Variants in TACC1 observed in about 807,000 individuals in gnomAD.
TACC1 encodes the protein transforming acidic coiled-coil containing protein 1, also known as transforming acidic coiled-coil-containing protein 1.
Under a neutral mutation model 84.4 loss-of-function variants are expected in TACC1, and 48 were observed. The ratio of observed to expected loss-of-function variants is 0.57; its 90% CI spans 0.45 to 0.72. The LOEUF (loss-of-function observed/expected upper bound fraction) is 0.72, where lower values mean the gene tolerates loss of function less well. Among genes scored for constraint, TACC1 ranks in the 30% least tolerant of loss-of-function variants. The pLI, the probability that TACC1 is intolerant of heterozygous loss-of-function variation, is 0.00. For missense variants in TACC1, 920 were observed against 973.0 expected (o/e 0.95, Z 0.72); for synonymous variants, 372 against 376.3 (o/e 0.99, Z 0.13).
chr8:38,801,094 A>C (rs919640842), intron 2 of TACC1, among the ~76,000 whole-genome samples: 9 of 152,140 alleles, frequency 5.9e-5, no homozygotes, highest in African/African-American at 1.9e-4. Context: ...CTTTTTAATT[A>C]GGTTATTTAT....
chr8:38,770,735 G>A (rs979437849), intron 3 of TACC1, among the ~76,000 whole-genome samples: 2 of 152,090 alleles, frequency 1.3e-5, no homozygotes, highest in African/African-American at 2.4e-5. Context: ...AAAAAAGCCA[G>A]CTTCTTTCTT....
chr8:38,783,418 G>A (rs1270751785), upstream of TACC1, among the ~76,000 whole-genome samples: 1 of 151,188 alleles, frequency 6.6e-6, no homozygotes, highest in Admixed American at 6.6e-5. Flanking sequence ...CTCTGAAAGA[G>A]TATTTTCTTT....
At position 38,842,312 on chromosome 8, in the gene TACC1, C is replaced by T. The variant is rs1427907090; in HGVS notation, c.1986C>T (p.Thr662=). The T allele has an allele frequency of 1.2e-6, 2 of 1,613,422 alleles. No individual in the cohort carries two copies. Among genetic ancestry groups the T allele is most frequent in the Non-Finnish European group, 1.7e-6 (2 of 1,179,802 alleles). The change falls in exon 10 of 13, where the codon ACC becomes ACT. Residue 662 remains threonine, a synonymous_variant. Coordinates refer to ENST00000317827, the MANE Select transcript of TACC1 (RefSeq NM_006283.3). ...AAGATGAACAAAGGACAAGTATGAC[C>T]TCTCAGAAGAGCTTCCAGCAACTGA... ...MIEDEQRTSM[T]SQKSFQQLTM...
intron 1 of TACC1, among the ~76,000 whole-genome samples, chr8:38,736,011 G>A (rs113090376): frequency 0.025 from 3,781 of 152,176 alleles, 138 homozygotes; most frequent in African/African-American, 0.086. Context: ...TCTACCGGCC[G>A]GTACTCCCTC....
At chr8:38,773,561 TCTATCTATCTAGCTAGCTATCTATCTAG>T (rs1563381144) in intron 3 of TACC1, among the ~76,000 whole-genome samples, 1 of 150,698 alleles carries the variant, frequency 6.6e-6, no homozygotes, top group Non-Finnish European at 1.5e-5. Context: ...TGTAAAAGTA[TCTATCTATCTAGCTAGCTATCTATCTAG>T]CTATCTATCT....
In TACC1 at chr8:38,849,991, G is replaced by A. The variant is rs1008271492; in HGVS notation, c.*1968G>A. 1.3e-5 allele frequency: 2 copies of A among 152,580 alleles called. No homozygotes were observed. The highest frequency in any genetic ancestry group is 4.8e-5 in the African/African-American group (2 of 41,420). The allele number at this position is 152,580 out of a possible 1,614,324, so 9.5% of individuals were successfully genotyped here. ...CTAAATCTTTTTGCTGCTGTGTTTT[G>A]GTGTTTTCATGTTTACTTGTTTTAT... On this transcript the variant is annotated 3_prime_UTR_variant, in exon 13 of 13. Transcript: ENST00000317827.
At chr8:38,800,308 T>C (rs1394639783) in intron 2 of TACC1, among the ~76,000 whole-genome samples, 1 of 152,240 alleles carries the variant, frequency 6.6e-6, no homozygotes, top group Non-Finnish European at 1.5e-5. Flanking sequence ...TTTATGATAG[T>C]TTTTAATTTA....
intron 3 of TACC1, among the ~76,000 whole-genome samples, chr8:38,769,563 G>C (rs116102029): frequency 6.8e-6 from 1 of 146,806 alleles, no homozygotes; most frequent in African/African-American, 2.6e-5. Context: ...TGGGAGTGTG[G>C]TGTGTGTATG....
intron 2 of TACC1, among the ~76,000 whole-genome samples, chr8:38,803,039 A>G (rs1821782892): frequency 6.6e-6 from 1 of 152,146 alleles, no homozygotes; most frequent in South Asian, 2.1e-4. Context: ...TTATTTTTTG[A>G]TACTGTTATA....
chr8:38,796,941 G>A (rs1283735344), intron 2 of TACC1, among the ~76,000 whole-genome samples: 1 of 152,248 alleles, frequency 6.6e-6, no homozygotes, highest in Non-Finnish European at 1.5e-5. Flanking sequence ...GCTGGGTGGT[G>A]TGGCTCAGGT....
At chr8:38,765,073 T>C (rs1811976306) in intron 3 of TACC1, among the ~76,000 whole-genome samples, 1 of 151,678 alleles carries the variant, frequency 6.6e-6, no homozygotes, top group Admixed American at 6.6e-5. Context: ...CACTCTAGCC[T>C]GGTTGACAAA....
intron 1 of TACC1, among the ~76,000 whole-genome samples, chr8:38,736,413 A>G (rs909161992): frequency 5.9e-5 from 9 of 152,138 alleles, no homozygotes; most frequent in Non-Finnish European, 1.3e-4. Context: ...CCAGGAGTTC[A>G]AGATTAGCCT....
At chr8:38,776,706 C>T (rs1378172373) in intron 3 of TACC1, among the ~76,000 whole-genome samples, 1 of 152,078 alleles carries the variant, frequency 6.6e-6, no homozygotes, top group Non-Finnish European at 1.5e-5. Flanking sequence ...ACAAGCAAAA[C>T]GTTTTGGATT....
chr8:38,822,351 A>G (rs1313812825), intron 3 of TACC1, among the ~76,000 whole-genome samples: 1 of 152,032 alleles, frequency 6.6e-6, no homozygotes, highest in East Asian at 1.9e-4. Context: ...AAAATATAGT[A>G]TAAAAGATAA....
At chr8:38,747,079 A>G (rs906547732) in intron 3 of TACC1, among the ~76,000 whole-genome samples, 6 of 152,216 alleles carry the variant, frequency 3.9e-5, no homozygotes, top group African/African-American at 1.4e-4. Flanking sequence ...GAAGATACAC[A>G]GATGCCAAAA....
upstream of TACC1, among the ~76,000 whole-genome samples, chr8:38,782,515 T>C (rs1440157548): frequency 6.6e-6 from 1 of 152,260 alleles, no homozygotes; most frequent in Non-Finnish European, 1.5e-5. Flanking sequence ...GCATGATTTA[T>C]AGTCCTTTAG....
intron 6 of TACC1, 133 bp from the exon 7 acceptor site, chr8:38,836,027 GCT>G (rs1830153154): frequency 8.4e-7 from 1 of 1,193,102 alleles, no homozygotes; most frequent in Non-Finnish European, 1.1e-6. Context: ...TTTTTAAAAA[GCT>G]TCCCCCCGCT....
In TACC1 at chr8:38,831,176, T is replaced by C; in HGVS notation, c.1712T>C (p.Leu571Pro). The change falls in exon 6 of 13, where the codon CTT becomes CCT. Residue 571 changes from leucine (L) to proline (P), a missense_variant and splice_region_variant. Leu to Pro is a moderately conservative substitution (Grantham distance 98). Coordinates refer to ENST00000317827, the MANE Select transcript of TACC1 (RefSeq NM_006283.3). ...QKMEEDGSTVLGLLESSAEKA... is the reference protein window; with the variant it reads ...QKMEEDGSTVPGLLESSAEKA... The stretch of plus-strand genomic sequence containing the variant: ...ATGGAAGAAGACGGGTCCACTGTGC[T>C]TGTAAGTTCCTGAATGTGGAGGGCC... 6.2e-7 allele frequency: 1 copy of C among 1,614,228 alleles called. No individual in the cohort carries two copies. Among genetic ancestry groups the C allele is most frequent in the Non-Finnish European group, 8.5e-7 (1 of 1,180,028 alleles).
chr8:38,754,741 A>G (rs1189659371), intron 3 of TACC1, among the ~76,000 whole-genome samples: 1 of 152,208 alleles, frequency 6.6e-6, no homozygotes, highest in Non-Finnish European at 1.5e-5. Context: ...TACTTTTACT[A>G]ATTGTTTATT....
Sources: allele counts gnomAD v4.1 joint callset (sites outside exome capture counted in the v4.1 genomes callset), GRCh38; gene constraint gnomAD v4.1.1; transcripts MANE v1.5; gene names NCBI Gene and HGNC (gene_info 2026-07-23, HGNC 2026-07-21).